The following ZDHHC7 variants were observed in gnomAD, a reference collection of about 807,000 sequenced individuals.
ZDHHC7 encodes palmitoyltransferase ZDHHC7.
ZDHHC7 carries 12 observed loss-of-function variants against 34.1 expected under a neutral mutation model. The observed-to-expected ratio is 0.35, with a 90% CI of 0.23 to 0.57. ZDHHC7 has a LOEUF of 0.57. ZDHHC7 is among the 20% of genes least tolerant of loss of function. The pLI, the probability that ZDHHC7 is intolerant of heterozygous loss-of-function variation, is 0.84. For synonymous variants in ZDHHC7, 185 were observed against 155.4 expected (o/e 1.19, Z -1.42); for missense variants, 388 against 402.7 (o/e 0.96, Z 0.31).
In ZDHHC7 at chr16:84,974,414, C is replaced by G. The variant is rs1277336671; in HGVS notation, c.*1929G>C. 1 of 152,116 alleles carries G rather than the reference C, an allele frequency of 6.6e-6. No individual in the cohort carries two copies. Among genetic ancestry groups the G allele is most frequent in the Non-Finnish European group, 1.5e-5 (1 of 68,030 alleles). The allele number at this position is 152,116 out of a possible 1,614,324, so 9.4% of individuals were successfully genotyped here. ...GGCCCACGAAGCACGGAAAGGCACC[C>G]CCTGAAAACACCACCATCCAGGAAG... On this transcript the variant is annotated 3_prime_UTR_variant, in exon 8 of 8. Coordinates refer to ENST00000313732, the MANE Select transcript of ZDHHC7 (RefSeq NM_017740.3).
chr16:85,023,271 A>G, the ZDHHC7 span, among the ~76,000 whole-genome samples: 1 of 151,670 alleles, frequency 6.6e-6, no homozygotes, highest in East Asian at 1.9e-4. Context: ...GGTTCAAGCA[A>G]TTCTCCTGCC....
intron 1 of ZDHHC7, among the ~76,000 whole-genome samples, chr16:85,006,297 T>C (rs1368275558): frequency 6.6e-6 from 1 of 152,138 alleles, no homozygotes; most frequent in Admixed American, 6.6e-5. Context: ...CGTTCAAGGC[T>C]GCAGTGAGCT....
chr16:84,989,694 CAA>C (rs35823318), intron 3 of ZDHHC7, among the ~76,000 whole-genome samples: 143 of 96,470 alleles, frequency 1.5e-3, no homozygotes, highest in Non-Finnish European at 2.0e-3. Context: ...AACTCCGTCT[CAA>C]AAAAAAAAAA....
chr16:85,013,337 G>A (rs191429084), upstream of ZDHHC7, among the ~76,000 whole-genome samples: 1 of 152,046 alleles, frequency 6.6e-6, no homozygotes, highest in East Asian at 1.9e-4. Context: ...CCACTTCCGG[G>A]GTTTAAGCAA....
chr16:84,995,884 G>C lies in ZDHHC7; in HGVS notation c.-18+38C>G, dbSNP rs898579822. The C allele has an allele frequency of 3.3e-5, 5 of 152,304 alleles. No homozygotes were observed. The South Asian group carries it at 1.0e-3, about 32-fold the overall frequency. 9.4% of individuals were successfully genotyped at this position (152,304 alleles called of 1,614,324 possible). A position where few individuals can be genotyped will look rare whatever the true frequency, so the allele number is the denominator to read the frequency against. ...ACAAGCTAGTGTCAGCTGTGAGAAA[G>C]GAAACAGTGATTGGACCCTAAATAA... On this transcript the variant is annotated intron_variant, in intron 2 of 7. Coordinates refer to ENST00000313732, the MANE Select transcript of ZDHHC7 (RefSeq NM_017740.3).
chr16:85,018,601 C>A, the ZDHHC7 span, among the ~76,000 whole-genome samples: 44 of 152,236 alleles, frequency 2.9e-4, no homozygotes, highest in African/African-American at 1.1e-3. Context: ...GCAAGTGCCA[C>A]CACGCCCGGC....
At chr16:85,022,021 G>A in the ZDHHC7 span, among the ~76,000 whole-genome samples, 10 of 150,734 alleles carry the variant, frequency 6.6e-5, no homozygotes, top group African/African-American at 2.2e-4. Flanking sequence ...TTAGCCAGGC[G>A]TGGTGGCGGG....
the ZDHHC7 span, among the ~76,000 whole-genome samples, chr16:85,027,253 T>G: frequency 6.6e-6 from 1 of 152,196 alleles, no homozygotes; most frequent in African/African-American, 2.4e-5. Flanking sequence ...TTGAAAAATT[T>G]TTATACCATT....
intron 1 of ZDHHC7, among the ~76,000 whole-genome samples, chr16:85,006,526 C>T (rs1433526741): frequency 6.6e-6 from 1 of 151,692 alleles, no homozygotes; most frequent in Non-Finnish European, 1.5e-5. Context: ...CCAGCCTGAG[C>T]AACATGGAGT....
chr16:84,982,227 C>A (rs1458973366), intron 3 of ZDHHC7: 2 of 385,366 alleles, frequency 5.2e-6, no homozygotes, highest in East Asian at 1.2e-4. Flanking sequence ...CGCCTGTAAT[C>A]CCAGCTACTT....
At chr16:85,007,908 G>C (rs2072738888) in intron 1 of ZDHHC7, among the ~76,000 whole-genome samples, 1 of 152,076 alleles carries the variant, frequency 6.6e-6, no homozygotes, top group South Asian at 2.1e-4. Flanking sequence ...GGATTGCTTG[G>C]GCCCAGGGGT....
intron 1 of ZDHHC7, among the ~76,000 whole-genome samples, chr16:85,007,279 C>T (rs992726419): frequency 6.6e-6 from 1 of 151,504 alleles, no homozygotes; most frequent in African/African-American, 2.4e-5. Context: ...AAAAATTAGC[C>T]GGGCATGATG....
intron 4 of ZDHHC7, among the ~76,000 whole-genome samples, chr16:84,980,618 C>T (rs1212182698): frequency 6.6e-6 from 1 of 152,016 alleles, no homozygotes; most frequent in Non-Finnish European, 1.5e-5. Context: ...TGCAGTGAGC[C>T]GAGATTATGC....
intron 2 of ZDHHC7, among the ~76,000 whole-genome samples, chr16:84,991,067 C>T (rs2072503479): frequency 6.6e-6 from 1 of 152,190 alleles, no homozygotes; most frequent in African/African-American, 2.4e-5. Flanking sequence ...TCGGCACACA[C>T]TTCAGCAAGC....
chr16:84,975,045 C>CA lies in ZDHHC7; in HGVS notation c.*1297dup, dbSNP rs563726165. On this transcript the variant is annotated 3_prime_UTR_variant, in exon 8 of 8. Coordinates refer to ENST00000313732, the MANE Select transcript of ZDHHC7 (RefSeq NM_017740.3). Reference sequence around the variant, plus strand: ...ACAGATTGCTTCTTGATGCGTCCGGCAAAAAATGTACAAACCAGGCAAGTT... The same window carrying CA: ...ACAGATTGCTTCTTGATGCGTCCGGCAAAAAAATGTACAAACCAGGCAAGTT... The CA allele has an allele frequency of 3.3e-5, 5 of 152,750 alleles. No individual in the cohort carries two copies. The highest frequency in any genetic ancestry group is 3.9e-4 in the East Asian group (2 of 5,186). 9.5% of individuals were successfully genotyped at this position (152,750 alleles called of 1,614,324 possible). A position where few individuals can be genotyped will look rare whatever the true frequency, so the allele number is the denominator to read the frequency against.
At chr16:85,017,393 G>A in the ZDHHC7 span, among the ~76,000 whole-genome samples, 21 of 152,232 alleles carry the variant, frequency 1.4e-4, no homozygotes, top group South Asian at 2.1e-4. Flanking sequence ...CCGAACTTCC[G>A]CACACTGCTG....
the ZDHHC7 span, among the ~76,000 whole-genome samples, chr16:85,021,183 G>A: frequency 1.1e-4 from 16 of 152,174 alleles, no homozygotes; most frequent in Middle Eastern, 0.01. Flanking sequence ...GGAGGCCGAG[G>A]TGGGCGGATC....
At chr16:85,005,851 A>G (rs1391373449) in intron 1 of ZDHHC7, among the ~76,000 whole-genome samples, 2 of 152,168 alleles carry the variant, frequency 1.3e-5, no homozygotes, top group Non-Finnish European at 1.5e-5. Context: ...TCCTCATGCA[A>G]CCAGGATTGA....
chr16:85,001,333 TG>T (rs2072649783), intron 1 of ZDHHC7, among the ~76,000 whole-genome samples: 1 of 151,904 alleles, frequency 6.6e-6, no homozygotes, highest in African/African-American at 2.4e-5. Context: ...TAGCCAGGCA[TG>T]GTGGCCAGTA....
Sources: allele counts gnomAD v4.1 joint callset (sites outside exome capture counted in the v4.1 genomes callset), GRCh38; gene constraint gnomAD v4.1.1; transcripts MANE v1.5; gene names NCBI Gene and HGNC (gene_info 2026-07-23, HGNC 2026-07-21).